HCFC2: variants seen among roughly 807,000 people sequenced by gnomAD.
The protein encoded by HCFC2 is host cell factor C2.
HCFC2 carries 18 observed loss-of-function variants against 89.2 expected under a neutral mutation model. The observed-to-expected ratio is 0.20, with a 90% confidence interval of 0.14 to 0.30. The LOEUF is 0.30. Ranked by LOEUF, HCFC2 falls within the 10% of genes least tolerant of loss-of-function variation. HCFC2 has a pLI of 1.00. For missense variants in HCFC2, 578 were observed against 956.1 expected, an observed-to-expected ratio of 0.60 and a Z score of 5.21; for synonymous variants, 308 against 335.7, an observed-to-expected ratio of 0.92 and a Z score of 0.90.
chr12:104,077,977 T>A (rs1883558988), intron 3 of HCFC2, among the ~76,000 whole-genome samples: 1 of 152,110 alleles, frequency 6.6e-6, no homozygotes, highest in Middle Eastern at 3.2e-3. Context: ...ATTCAAAGTA[T>A]TATTTCTTTA....
chr12:104,080,007 C>T (rs1883632776), intron 4 of HCFC2, among the ~76,000 whole-genome samples: 1 of 152,094 alleles, frequency 6.6e-6, no homozygotes, highest in Non-Finnish European at 1.5e-5. Flanking sequence ...TATGGTTACC[C>T]TATCTACAGG....
Position 104,104,636 on chromosome 12 carries a change from A to G in HCFC2, c.*1363A>G, listed in dbSNP as rs1351522311. ...CCAGCAAAGATGGATTTAATTGTGC[A>G]GAATTGATATATATGTGTGTTCCAG... On this transcript the variant is annotated 3_prime_UTR_variant, in exon 15 of 15. Transcript: ENST00000229330. 3 of 152,028 alleles carry G rather than the reference A, an allele frequency of 2.0e-5. No individual in the cohort carries two copies. Among genetic ancestry groups the G allele is most frequent in the African/African-American group, 7.2e-5 (3 of 41,456 alleles). 9.4% of individuals were successfully genotyped at this position (152,028 alleles called of 1,614,324 possible). A position where few individuals can be genotyped will look rare whatever the true frequency, so the allele number is the denominator to read the frequency against.
At chr12:104,077,243 G>C (rs7311152) in intron 3 of HCFC2, among the ~76,000 whole-genome samples, 12 of 150,662 alleles carry the variant, frequency 8.0e-5, no homozygotes, top group Admixed American at 7.9e-4. Flanking sequence ...TTTGTTTTTT[G>C]TTTTTTGTTT....
At chr12:104,100,428 G>A (rs1197558195) in intron 13 of HCFC2, among the ~76,000 whole-genome samples, 1 of 151,900 alleles carries the variant, frequency 6.6e-6, no homozygotes, top group Non-Finnish European at 1.5e-5. Flanking sequence ...AAATAAAGAA[G>A]TTTTCTGGGC....
chr12:104,083,051 C>G, intron 7 of HCFC2, 150 bp downstream of exon 7: 1 of 585,818 alleles, frequency 1.7e-6, no homozygotes, highest in Non-Finnish European at 2.9e-6. Flanking sequence ...TTCTCCACTC[C>G]TGAGAAGTAT....
At chr12:104,088,138 T>G in intron 9 of HCFC2, 100 bp downstream of exon 9, 1 of 626,450 alleles carries the variant, frequency 1.6e-6, no homozygotes, top group East Asian at 3.4e-5. Context: ...GAGGGGTCCT[T>G]AATCCTGCCT....
intron 13 of HCFC2, among the ~76,000 whole-genome samples, chr12:104,098,946 G>A (rs1416019845): frequency 6.6e-6 from 1 of 151,790 alleles, no homozygotes; most frequent in African/African-American, 2.4e-5. Flanking sequence ...CTTGCAGTGA[G>A]CCGAGATGGT....
In HCFC2 at chr12:104,064,751, C is replaced by A. The variant is rs1235575620; in HGVS notation, c.163+28C>A. 13 of 1,543,504 alleles carry A rather than the reference C, an allele frequency of 8.4e-6. No homozygotes were observed. The highest frequency in any genetic ancestry group is 2.7e-5 in the East Asian group (1 of 37,150). On this transcript the variant is annotated intron_variant, in intron 1 of 14. Coordinates refer to ENST00000229330, the MANE Select transcript of HCFC2 (RefSeq NM_013320.3). The surrounding 1 kb of genome is among the most constrained non-coding windows in gnomAD (Gnocchi z 7.3). ...AGGCGCGGCGGCGGCTCGTCGGCCC[C>A]GCCTGCTGGAGCTGCGGAGGGGGAG...
rs1031648475 is a variant in HCFC2 at position 104,068,758 on chromosome 12, A to G, written c.473+651A>G. Among the ~76,000 whole-genome samples the G allele has an allele frequency of 4.6e-5, 7 of 152,160 alleles. No homozygotes were observed. The highest frequency in any genetic ancestry group is 1.7e-4 in the African/African-American group (7 of 41,440). On this transcript the variant is annotated intron_variant, in intron 3 of 14. Coordinates refer to ENST00000229330, the MANE Select transcript of HCFC2 (RefSeq NM_013320.3). This position sits in a 1 kb window ranked among gnomAD's most constrained non-coding sequence, Gnocchi z 4.1. ...AGTTTGCTGGCACAGATTGTAAATA[A>G]TGGGGCTATCTACATTGTTGACCCC...
Position 104,096,399 on chromosome 12 carries a change from G to A in HCFC2, c.1706G>A (p.Arg569His), listed in dbSNP as rs747743641. ...GCACTGCCTGCAACGAAGATCAGCC[G>A]TGTAGAGACACATGCTACAGCAACG... ...TYALPATKIS[R>H]VETHATATPF... Residue 569 changes from arginine (R) to histidine (H), a missense_variant, in exon 12 of 15, where the codon CGT (arginine) becomes CAT (histidine). Physicochemically the swap from Arg to His is conservative, Grantham distance 29. Transcript: ENST00000229330. 3.6e-5 allele frequency: 58 copies of A among 1,608,426 alleles called. 1 individual carries two copies. Among genetic ancestry groups the A allele is most frequent in the South Asian group, 3.5e-4 (32 of 90,164 alleles).
chr12:104,093,638 T>TACA (rs1884094028), intron 10 of HCFC2, 75 bp downstream of exon 10: 9 of 1,311,672 alleles, frequency 6.9e-6, no homozygotes, highest in Non-Finnish European at 9.6e-6. Context: ...AAAAAGTAAA[T>TACA]GTTGTACAGT....
rs2030070271 is a variant in HCFC2, at chr12:104,105,707, T to TCTTATTACTA, written c.*2438_*2439insTTACTACTTA. On this transcript the variant is annotated 3_prime_UTR_variant, in exon 15 of 15. Transcript: ENST00000229330. Reference sequence around the variant, plus strand: ...TTTGACATTAGTAGTTAATAAGAGATCTTAGAGCTGTGTGCTGATGAATAG... The same window carrying TCTTATTACTA: ...TTTGACATTAGTAGTTAATAAGAGATCTTATTACTACTTAGAGCTGTGTGCTGATGAATAG... 3 of 151,888 alleles carry TCTTATTACTA rather than the reference T, an allele frequency of 2.0e-5. No homozygotes were observed. Among genetic ancestry groups the TCTTATTACTA allele is most frequent in the Non-Finnish European group, 4.4e-5 (3 of 67,892 alleles). The allele number at this position is 151,888 out of a possible 1,614,324, so 9.4% of individuals were successfully genotyped here.
rs2030061738 is a variant in HCFC2, at chr12:104,105,503, GGAAGA to G, written c.*2235_*2239del. The G allele has an allele frequency of 6.6e-6, 1 of 151,924 alleles. No individual in the cohort carries two copies. The highest frequency in any genetic ancestry group is 1.5e-5 in the Non-Finnish European group (1 of 67,888). The allele number at this position is 151,924 out of a possible 1,614,324, so 9.4% of individuals were successfully genotyped here. ...TAACATATGACTTAACTGTTTAGAG[GGAAGA>G]GAAGTCTTTCTATACTGAGGGATTT... On this transcript the variant is annotated 3_prime_UTR_variant, in exon 15 of 15. Transcript: ENST00000229330.
chr12:104,087,142 GTCAGGAGTTTGAGAC>G, intron 8 of HCFC2, 128 bp downstream of exon 8: 4 of 811,708 alleles, frequency 4.9e-6, no homozygotes, highest in Non-Finnish European at 3.7e-6. Context: ...ATCACCTGAG[GTCAGGAGTTTGAGAC>G]CAGCCTGGTC....
Position 104,095,573 on chromosome 12 carries a change from G to A in HCFC2, c.1666+10G>A, listed in dbSNP as rs755578474. On this transcript the variant is annotated intron_variant, in intron 11 of 14. Coordinates refer to ENST00000229330, the MANE Select transcript of HCFC2 (RefSeq NM_013320.3). The surrounding 1 kb of genome is among the most constrained non-coding windows in gnomAD (Gnocchi z 4.2). ...AGTACCAAATCTGAAGGTTTGAAAT[G>A]TGTTTCACATACTGTATTTTGAACC... 1.1e-5 allele frequency: 18 copies of A among 1,599,942 alleles called. No individual in the cohort carries two copies. Among genetic ancestry groups the A allele is most frequent in the African/African-American group, 1.3e-5 (1 of 74,680 alleles).
At chr12:104,069,137 C>G (rs1294634575) in intron 3 of HCFC2, among the ~76,000 whole-genome samples, 1 of 152,044 alleles carries the variant, frequency 6.6e-6, no homozygotes, top group Non-Finnish European at 1.5e-5. Context: ...AAAACCCCAT[C>G]TCTACCAAAA....
chr12:104,099,869 T>C (rs997324187), intron 13 of HCFC2, among the ~76,000 whole-genome samples: 3 of 152,010 alleles, frequency 2.0e-5, no homozygotes, highest in Non-Finnish European at 2.9e-5. Context: ...GTTGCCCAGG[T>C]TGGTCTCAAA....
intron 3 of HCFC2, among the ~76,000 whole-genome samples, chr12:104,075,449 T>G (rs977660686): frequency 3.6e-5 from 5 of 138,912 alleles, no homozygotes; most frequent in Non-Finnish European, 7.6e-5. Context: ...TCAACTTTTG[T>G]TCCTAACCTT....
At chr12:104,087,110 T>G in intron 8 of HCFC2, 96 bp downstream of exon 8, 1 of 1,168,756 alleles carries the variant, frequency 8.6e-7, no homozygotes, top group East Asian at 2.8e-5. Flanking sequence ...ATCCCAGCAC[T>G]TTGGGAGGCT....
Sources: allele counts gnomAD v4.1 joint callset (sites outside exome capture counted in the v4.1 genomes callset), GRCh38; gene constraint gnomAD v4.1.1; non-coding constraint Gnocchi (gnomAD v3.1); transcripts MANE v1.5; gene names NCBI Gene and HGNC (gene_info 2026-07-23, HGNC 2026-07-21).